AGTPBP1: variants seen among roughly 807,000 people sequenced by gnomAD.
AGTPBP1 encodes the protein ATP/GTP binding carboxypeptidase 1, also known as cytosolic carboxypeptidase 1.
In AGTPBP1, 70 loss-of-function variants were observed where a neutral mutation model predicts 143.9. The ratio of observed to expected loss-of-function variants is 0.49; its 90% confidence interval spans 0.40 to 0.59. AGTPBP1 has a LOEUF of 0.59. Among genes scored for constraint, AGTPBP1 ranks in the 20% least tolerant of loss-of-function variants. The pLI, the probability that AGTPBP1 is intolerant of heterozygous loss-of-function variation, is 0.00. For synonymous variants in AGTPBP1, 463 were observed against 500.2 expected, an observed-to-expected ratio of 0.93 and a Z score of 0.99; for missense variants, 1,229 against 1,464.5, an observed-to-expected ratio of 0.84 and a Z score of 2.62.
At chr9:85,750,267 G>T in the AGTPBP1 span, among the ~76,000 whole-genome samples, 3 of 152,208 alleles carry the variant, frequency 2.0e-5, no homozygotes, top group Non-Finnish European at 4.4e-5. Context: ...ATCCTGAAAT[G>T]TCTAGGGCTA....
At chr9:85,695,825 A>ATTTTTTTCC (rs941272533) in intron 2 of AGTPBP1, among the ~76,000 whole-genome samples, 1 of 151,234 alleles carries the variant, frequency 6.6e-6, no homozygotes. Context: ...TTTGCCAGAC[A>ATTTTTTTCC]TTTTCTTTCC....
At chr9:85,765,906 C>T in the AGTPBP1 span, among the ~76,000 whole-genome samples, 1 of 152,110 alleles carries the variant, frequency 6.6e-6, no homozygotes, top group East Asian at 1.9e-4. Context: ...GGCTAAATGG[C>T]GGTTGAAAGG....
chr9:85,646,212 T>G (rs959543011), intron 12 of AGTPBP1, 109 bp downstream of exon 12: 3 of 704,500 alleles, frequency 4.3e-6, no homozygotes, highest in Admixed American at 2.5e-5. Context: ...TAAAAAGATG[T>G]GGACAAAGTA....
chr9:85,746,752 C>T (rs530676485), upstream of AGTPBP1, among the ~76,000 whole-genome samples: 2 of 151,302 alleles, frequency 1.3e-5, no homozygotes, highest in East Asian at 3.9e-4. Context: ...GGTACTCTTA[C>T]CACAAAAAAA....
the AGTPBP1 span, among the ~76,000 whole-genome samples, chr9:85,756,989 G>T: frequency 6.6e-6 from 1 of 151,456 alleles, no homozygotes; most frequent in Admixed American, 6.6e-5. Context: ...TAATAGGTGT[G>T]GGGTTTCTTT....
chr9:85,681,407 C>T, intron 3 of AGTPBP1, 72 bp from the exon 4 acceptor site: 1 of 1,290,034 alleles, frequency 7.8e-7, no homozygotes, highest in Non-Finnish European at 1.1e-6. Flanking sequence ...TTGCATATAG[C>T]TAATAAAGAT....
the AGTPBP1 span, among the ~76,000 whole-genome samples, chr9:85,769,329 A>T: frequency 6.6e-6 from 1 of 152,086 alleles, no homozygotes; most frequent in Non-Finnish European, 1.5e-5. Context: ...AAATCTCACC[A>T]ATCTGAAGTA....
intron 6 of AGTPBP1, among the ~76,000 whole-genome samples, chr9:85,675,971 G>A (rs1834805742): frequency 6.6e-6 from 1 of 152,128 alleles, no homozygotes; most frequent in Admixed American, 6.6e-5. Flanking sequence ...GTTGCAGTGA[G>A]CCCAGATCAC....
At chr9:85,566,924 A>G (rs1827143036) in intron 25 of AGTPBP1, among the ~76,000 whole-genome samples, 1 of 152,244 alleles carries the variant, frequency 6.6e-6, no homozygotes, top group African/African-American at 2.4e-5. Flanking sequence ...CATTGCAATT[A>G]TAAAGTCAGA....
intron 2 of AGTPBP1, among the ~76,000 whole-genome samples, chr9:85,701,877 A>G (rs563734814): frequency 2.0e-5 from 3 of 152,302 alleles, no homozygotes; most frequent in Admixed American, 6.5e-5. Context: ...TTTCATTACC[A>G]TAGTCAAGAT....
upstream of AGTPBP1, chr9:85,742,146 A>G: frequency 1.6e-6 from 1 of 607,176 alleles, no homozygotes; most frequent in Non-Finnish European, 2.1e-6. Context: ...TGCGCGCCTG[A>G]CGGGAGGGAG....
At chr9:85,579,610 G>A (rs543889645) in intron 23 of AGTPBP1, among the ~76,000 whole-genome samples, 2 of 150,166 alleles carry the variant, frequency 1.3e-5, no homozygotes, top group Admixed American at 6.6e-5. Flanking sequence ...TGGGGCGAGG[G>A]GGGGGGTGTA....
chr9:85,717,735 T>C (rs1837806175), intron 1 of AGTPBP1, among the ~76,000 whole-genome samples: 1 of 151,836 alleles, frequency 6.6e-6, no homozygotes, highest in Non-Finnish European at 1.5e-5. Context: ...AACGTGCAGG[T>C]TTGTTCCATA....
At chr9:85,657,360 C>T in intron 10 of AGTPBP1, 75 bp downstream of exon 10, 6 of 1,278,580 alleles carry the variant, frequency 4.7e-6, no homozygotes, top group Non-Finnish European at 5.4e-6. Flanking sequence ...AGTATTTGCA[C>T]ACTAATTCAG....
intron 2 of AGTPBP1, among the ~76,000 whole-genome samples, chr9:85,709,028 A>G (rs971361774): frequency 1.3e-5 from 2 of 152,246 alleles, no homozygotes; most frequent in African/African-American, 4.8e-5. Flanking sequence ...CCAGATAAAA[A>G]TATTACAATA....
the AGTPBP1 span, among the ~76,000 whole-genome samples, chr9:85,784,741 G>A: frequency 6.6e-6 from 1 of 152,128 alleles, no homozygotes; most frequent in Admixed American, 6.6e-5. Context: ...AGTCAGTTAT[G>A]TTTTAAACCA....
chr9:85,736,735 T>G (rs1230400568), intron 1 of AGTPBP1, among the ~76,000 whole-genome samples: 24 of 152,206 alleles, frequency 1.6e-4, no homozygotes, highest in Admixed American at 1.6e-3. Context: ...CAAAACTATT[T>G]GTATAATACT....
chr9:85,741,011 T>C (rs1251912089), intron 1 of AGTPBP1, among the ~76,000 whole-genome samples: 1 of 151,548 alleles, frequency 6.6e-6, no homozygotes, highest in Admixed American at 6.6e-5. Context: ...TCGTAAGAGG[T>C]TTATACCGCA....
chr9:85,741,754 G>T, intron 1 of AGTPBP1, 21 bp downstream of exon 1: 1 of 1,311,146 alleles, frequency 7.6e-7, no homozygotes, highest in Non-Finnish European at 9.7e-7. Context: ...CGGGACATGA[G>T]GACTGCAGCA....
Sources: allele counts gnomAD v4.1 joint callset (sites outside exome capture counted in the v4.1 genomes callset), GRCh38; gene constraint gnomAD v4.1.1; transcripts MANE v1.5; gene names NCBI Gene and HGNC (gene_info 2026-07-23, HGNC 2026-07-21).